LINGO2: variants seen among roughly 807,000 people sequenced by gnomAD.
The protein encoded by LINGO2 is leucine-rich repeat and immunoglobulin-like domain-containing nogo receptor-interacting protein 2.
In LINGO2, 14 loss-of-function variants were observed where a neutral mutation model predicts 30.6. The observed-to-expected ratio is 0.46, with a 90% CI of 0.30 to 0.72. The LOEUF (loss-of-function observed/expected upper bound fraction) is 0.72, where lower values mean the gene tolerates loss of function less well. Among genes scored for constraint, LINGO2 ranks in the 30% least tolerant of loss-of-function variants. The pLI is 0.07. For missense variants in LINGO2, 729 were observed against 751.7 expected, an observed-to-expected ratio of 0.97 and a Z score of 0.35; for synonymous variants, 317 against 288.5, an observed-to-expected ratio of 1.10 and a Z score of -1.00.
intron 1 of LINGO2, among the ~76,000 whole-genome samples, chr9:28,629,260 T>C (rs1464245498): frequency 1.3e-5 from 2 of 152,064 alleles, no homozygotes; most frequent in Middle Eastern, 3.2e-3. Context: ...GGAAAATAGA[T>C]GGGAGCCACT....
chr9:28,159,022 C>A (rs1232993274), intron 4 of LINGO2, among the ~76,000 whole-genome samples: 1 of 152,092 alleles, frequency 6.6e-6, no homozygotes, highest in Non-Finnish European at 1.5e-5. Context: ...ACACACAGAC[C>A]TGTATACAAA....
chr9:28,009,649 G>A (rs1029434391), intron 5 of LINGO2, among the ~76,000 whole-genome samples: 5 of 151,940 alleles, frequency 3.3e-5, no homozygotes, highest in Admixed American at 6.6e-5. Flanking sequence ...AAGACAAATC[G>A]AAGCCACAAT....
In LINGO2 at chr9:28,606,113, T is replaced by C. The variant is rs148779369; in HGVS notation, c.-365+64087A>G. On this transcript the variant is annotated intron_variant, in intron 1 of 5. Coordinates refer to ENST00000379992, the Ensembl canonical transcript of LINGO2. Reference sequence around the variant, plus strand: ...AGAATAAAAACCCAGGATCCCTTTGTGACTATTTCTCTCAGTTAAAATAGT... The same window carrying C: ...AGAATAAAAACCCAGGATCCCTTTGCGACTATTTCTCTCAGTTAAAATAGT... Among the ~76,000 whole-genome samples the C allele has an allele frequency of 7.2e-4, 110 of 152,162 alleles. 1 individual carries two copies. Among genetic ancestry groups the C allele is most frequent in the African/African-American group, 2.5e-3 (104 of 41,558 alleles).
At chr9:28,529,176 C>A (rs940020583) in intron 1 of LINGO2, among the ~76,000 whole-genome samples, 2 of 152,094 alleles carry the variant, frequency 1.3e-5, no homozygotes, top group African/African-American at 4.8e-5. Flanking sequence ...TCCAGTACCT[C>A]AGGCAGAGTT....
chr9:28,627,713 T>C (rs1826745306), intron 1 of LINGO2, among the ~76,000 whole-genome samples: 1 of 152,092 alleles, frequency 6.6e-6, no homozygotes, highest in Admixed American at 6.6e-5. Flanking sequence ...AGTTCTTAAT[T>C]ATATTTTATA....
chr9:28,805,108 C>T, the LINGO2 span, among the ~76,000 whole-genome samples: 9 of 152,192 alleles, frequency 5.9e-5, no homozygotes, highest in African/African-American at 1.4e-4. Context: ...CTTTAGCTCT[C>T]GAGCAAATGT....
chr9:28,285,845 T>C (rs939772593), intron 4 of LINGO2, among the ~76,000 whole-genome samples: 11 of 152,156 alleles, frequency 7.2e-5, no homozygotes, highest in African/African-American at 2.7e-4. Context: ...CTTGCTGGGA[T>C]GGCAGCATTC....
At chr9:28,990,557 G>C in the LINGO2 span, among the ~76,000 whole-genome samples, 4 of 152,344 alleles carry the variant, frequency 2.6e-5, no homozygotes, top group East Asian at 7.7e-4. Context: ...GCCTTTTCAA[G>C]TGGCTCCCTG....
chr9:29,161,338 T>C, the LINGO2 span, among the ~76,000 whole-genome samples: 2 of 152,176 alleles, frequency 1.3e-5, no homozygotes, highest in African/African-American at 4.8e-5. Flanking sequence ...CTATCACCCA[T>C]CCACCCACTC....
At chr9:28,720,620 AG>A in the LINGO2 span, among the ~76,000 whole-genome samples, 2 of 152,104 alleles carry the variant, frequency 1.3e-5, no homozygotes, top group Non-Finnish European at 2.9e-5. Flanking sequence ...AAGGGAAAAA[AG>A]GAAGTAAGAA....
intron 3 of LINGO2, among the ~76,000 whole-genome samples, chr9:28,331,641 G>T (rs1213211090): frequency 1.3e-5 from 2 of 152,042 alleles, no homozygotes; most frequent in African/African-American, 4.8e-5. Flanking sequence ...AAGTAGTTGG[G>T]ACTACAGGCA....
At chr9:28,673,313 AT>A (rs1829092428), upstream of LINGO2, among the ~76,000 whole-genome samples, 1 of 152,150 alleles carries the variant, frequency 6.6e-6, no homozygotes. Flanking sequence ...CATGTGATTT[AT>A]TAGATTCTTC....
At chr9:28,007,976 C>A (rs1037476891) in intron 5 of LINGO2, among the ~76,000 whole-genome samples, 1 of 152,168 alleles carries the variant, frequency 6.6e-6, no homozygotes, top group Non-Finnish European at 1.5e-5. Flanking sequence ...CATGTGGCAT[C>A]TTCCGCCGAG....
chr9:28,890,014 A>G, the LINGO2 span, among the ~76,000 whole-genome samples: 3 of 152,098 alleles, frequency 2.0e-5, no homozygotes, highest in Non-Finnish European at 2.9e-5. Flanking sequence ...GTCTCTGTCC[A>G]TAAAGGTTCC....
the LINGO2 span, among the ~76,000 whole-genome samples, chr9:28,931,105 G>A: frequency 8.5e-5 from 13 of 152,158 alleles, no homozygotes; most frequent in African/African-American, 1.4e-4. Flanking sequence ...TAAACTTGCC[G>A]TGGCAAATAA....
chr9:28,420,358 A>G (rs1233861208), intron 2 of LINGO2, among the ~76,000 whole-genome samples: 2 of 152,134 alleles, frequency 1.3e-5, no homozygotes, highest in Admixed American at 6.5e-5. Flanking sequence ...TATAGTGAAT[A>G]GAGGAACATT....
At chr9:28,668,698 T>A (rs1828898069) in intron 1 of LINGO2, among the ~76,000 whole-genome samples, 1 of 152,122 alleles carries the variant, frequency 6.6e-6, no homozygotes, top group Non-Finnish European at 1.5e-5. Context: ...TTAAGCTGAC[T>A]AAAGAAACTG....
the LINGO2 span, among the ~76,000 whole-genome samples, chr9:28,801,056 A>G: frequency 6.6e-6 from 1 of 152,122 alleles, no homozygotes; most frequent in African/African-American, 2.4e-5. Flanking sequence ...AATCCTAATT[A>G]CAGTGGTCCA....
intron 1 of LINGO2, among the ~76,000 whole-genome samples, chr9:28,546,168 A>G (rs1821927991): frequency 6.6e-6 from 1 of 152,054 alleles, no homozygotes; most frequent in South Asian, 2.1e-4. Context: ...AGGCCTTTAG[A>G]TCGATTAGTT....
Sources: gnomAD v4.1 joint callset for allele counts (sites outside exome capture counted in the v4.1 genomes callset) on GRCh38, gnomAD v4.1.1 for gene constraint, MANE v1.5 for transcripts, NCBI Gene and HGNC (gene_info 2026-07-23, HGNC 2026-07-21) for gene names.